The following XIRP2 variants were observed in gnomAD, a reference collection of about 807,000 sequenced individuals.
XIRP2 encodes the protein xin actin-binding repeat-containing protein 2.
XIRP2 carries 236 observed loss-of-function variants against 277.0 expected under a neutral mutation model. The observed-to-expected ratio is 0.85, with a 90% CI of 0.77 to 0.95. The LOEUF (loss-of-function observed/expected upper bound fraction) is 0.95, where lower values mean the gene tolerates loss of function less well. XIRP2 is among the 40% of genes least tolerant of loss of function. XIRP2 has a pLI of 0.00. For missense variants in XIRP2, 4,640 were observed against 4,157.5 expected (o/e 1.12, Z -3.19); for synonymous variants, 1,490 against 1,416.5 (o/e 1.05, Z -1.17).
At chr2:167,127,046 ACT>A (rs1311611753) in intron 2 of XIRP2, among the ~76,000 whole-genome samples, 6 of 151,996 alleles carry the variant, frequency 3.9e-5, no homozygotes, top group Non-Finnish European at 8.8e-5. Flanking sequence ...TCCTAAGCCA[ACT>A]CTCTTCTATA....
At chr2:167,188,739 A>G (rs531700348) in intron 3 of XIRP2, among the ~76,000 whole-genome samples, 1 of 152,250 alleles carries the variant, frequency 6.6e-6, no homozygotes, top group Non-Finnish European at 1.5e-5. Context: ...TCTAAAAGTC[A>G]GTCCGCATTT....
At chr2:166,951,197 A>G (rs1003365937) in intron 2 of XIRP2, among the ~76,000 whole-genome samples, 1 of 152,086 alleles carries the variant, frequency 6.6e-6, no homozygotes, top group Non-Finnish European at 1.5e-5. Flanking sequence ...GCTTGTATAT[A>G]CGTTAGGCCA....
At chr2:167,235,882 A>G (rs1559033640) in intron 5 of XIRP2, among the ~76,000 whole-genome samples, 1 of 151,938 alleles carries the variant, frequency 6.6e-6, no homozygotes, top group Non-Finnish European at 1.5e-5. Flanking sequence ...TAATGTATCT[A>G]AATCCAGACA....
At chr2:167,184,719 ATC>A (rs1693109855) in intron 3 of XIRP2, 2 of 674,170 alleles carry the variant, frequency 3.0e-6, no homozygotes, top group Non-Finnish European at 5.4e-6. Flanking sequence ...TACATATATT[ATC>A]TCTGCAATTG....
intron 3 of XIRP2, among the ~76,000 whole-genome samples, chr2:167,181,312 T>C (rs1253471970): frequency 6.6e-6 from 1 of 152,174 alleles, no homozygotes; most frequent in Non-Finnish European, 1.5e-5. Flanking sequence ...GGGAAACTAT[T>C]TGTTCTTCTC....
intron 2 of XIRP2, among the ~76,000 whole-genome samples, chr2:166,939,871 C>T (rs1685650460): frequency 6.6e-6 from 1 of 152,080 alleles, no homozygotes; most frequent in African/African-American, 2.4e-5. Flanking sequence ...TCTCTGCCTG[C>T]CCTTCACATT....
In XIRP2 at chr2:167,250,567, G is replaced by A. The variant is rs1004137979; in HGVS notation, c.9175G>A (p.Val3059Ile). The change falls in exon 9 of 11, where the codon GTT becomes ATT. Residue 3059 changes from valine (V) to isoleucine (I), a missense_variant. Transcript: ENST00000409195. Reference protein sequence around the residue: ...LDETSSKVSNVHVSNNKNSEQ... With the variant: ...LDETSSKVSNIHVSNNKNSEQ... Reference sequence around the variant, plus strand: ...TGAAACATCATCCAAAGTATCTAATGTTCATGTCAGCAATAATAAAAATAG... The same window carrying A: ...TGAAACATCATCCAAAGTATCTAATATTCATGTCAGCAATAATAAAAATAG... The A allele has an allele frequency of 3.7e-6, 6 of 1,613,548 alleles. No homozygotes were observed. The Admixed American group carries it at 5.0e-5, about 13-fold the overall frequency.
rs1695181723 is a variant in XIRP2 at position 167,244,466 on chromosome 2, C to G, written c.3074C>G (p.Pro1025Arg). 1 of 1,613,522 alleles carries G rather than the reference C, an allele frequency of 6.2e-7. No homozygotes were observed. The highest frequency in any genetic ancestry group is 1.3e-5 in the African/African-American group (1 of 74,828). The change falls in exon 9 of 11, where the codon CCC becomes CGC. Residue 1025 changes from proline (P) to arginine (R), a missense_variant. Coordinates refer to ENST00000409195, the MANE Select transcript of XIRP2 (RefSeq NM_152381.6). ...RSCRWLFETRPIDQFDESIHK... is the reference protein window; with the variant it reads ...RSCRWLFETRRIDQFDESIHK... ...TGTAGGTGGCTTTTTGAAACAAGGC[C>G]CATTGACCAGTTTGATGAAAGCATT...
Position 167,043,238 on chromosome 2 carries a change from T to C in XIRP2, c.409-92671T>C, listed in dbSNP as rs150971660. 3.3e-3 allele frequency among the ~76,000 whole-genome samples: 497 copies of C among 151,986 alleles called. 7 individuals carry two copies. The highest frequency in any genetic ancestry group is 0.011 in the African/African-American group (470 of 41,460). On this transcript the variant is annotated intron_variant, in intron 2 of 10. Transcript: ENST00000409195. Reference sequence around the variant, plus strand: ...TGCCTACATCAAAAAGTTAAAAAGATCTCAAATTAAAAACCTGAAGTCACA... The same window carrying C: ...TGCCTACATCAAAAAGTTAAAAAGACCTCAAATTAAAAACCTGAAGTCACA...
chr2:166,938,666 C>T (rs182728099), intron 2 of XIRP2, among the ~76,000 whole-genome samples: 49 of 152,198 alleles, frequency 3.2e-4, no homozygotes, highest in Non-Finnish European at 5.3e-4. Context: ...CTTTCTGTCT[C>T]GTTGATCTGT....
intron 2 of XIRP2, among the ~76,000 whole-genome samples, chr2:166,939,214 T>G (rs565511051): frequency 6.6e-6 from 1 of 152,330 alleles, no homozygotes; most frequent in African/African-American, 2.4e-5. Context: ...TGGCATGTTT[T>G]TGCAGTGGCT....
chr2:167,098,241 G>T (rs982934932), intron 2 of XIRP2, among the ~76,000 whole-genome samples: 7 of 152,172 alleles, frequency 4.6e-5, no homozygotes, highest in East Asian at 1.9e-4. Flanking sequence ...TGCTTTGTTT[G>T]TTCCTTTTTA....
intron 2 of XIRP2, among the ~76,000 whole-genome samples, chr2:167,035,083 G>T (rs1381230253): frequency 6.6e-6 from 1 of 152,146 alleles, no homozygotes; most frequent in East Asian, 1.9e-4. Context: ...GGCCTCCCCA[G>T]CCATGTGGAA....
chr2:167,259,353 ACACTGAGTAAAATATCTATGGC>A lies in XIRP2; in HGVS notation c.*1543_*1564del, dbSNP rs762517521. ...ATTAAAAGAAACAGGTGCTACAGTG[ACACTGAGTAAAATATCTATGGC>A]CACTGACAGTCCACACTTAGGCACT... On this transcript the variant is annotated 3_prime_UTR_variant, in exon 11 of 11. Transcript: ENST00000409195. 8.1e-6 allele frequency: 13 copies of A among 1,602,860 alleles called. No homozygotes were observed. The South Asian group carries it at 1.1e-4, about 14-fold the overall frequency.
chr2:167,222,908 T>G (rs1694474721), intron 5 of XIRP2, among the ~76,000 whole-genome samples: 1 of 152,170 alleles, frequency 6.6e-6, no homozygotes, highest in South Asian at 2.1e-4. Context: ...AGATATAATT[T>G]GCATACCATA....
chr2:166,919,075 T>C (rs1478512452), intron 2 of XIRP2, among the ~76,000 whole-genome samples: 1 of 152,128 alleles, frequency 6.6e-6, no homozygotes, highest in Non-Finnish European at 1.5e-5. Flanking sequence ...ATCCATCCAC[T>C]CTCTTCCTGG....
At chr2:167,016,587 C>G (rs905215809) in intron 2 of XIRP2, among the ~76,000 whole-genome samples, 1 of 151,966 alleles carries the variant, frequency 6.6e-6, no homozygotes, top group South Asian at 2.1e-4. Context: ...ACAGTCTGTA[C>G]TTTTACTTCC....
intron 2 of XIRP2, among the ~76,000 whole-genome samples, chr2:167,051,488 T>G (rs1314190960): frequency 9.2e-5 from 14 of 152,162 alleles, no homozygotes; most frequent in Non-Finnish European, 2.9e-5. Context: ...GATATAATGA[T>G]ATGTGTAATG....
At chr2:167,081,856 T>C (rs1368312061) in intron 2 of XIRP2, among the ~76,000 whole-genome samples, 1 of 152,188 alleles carries the variant, frequency 6.6e-6, no homozygotes, top group Non-Finnish European at 1.5e-5. Context: ...ATGATTCTTG[T>C]TTCCATCAAT....
Sources: gnomAD v4.1 joint callset for allele counts (sites outside exome capture counted in the v4.1 genomes callset) on GRCh38, gnomAD v4.1.1 for gene constraint, MANE v1.5 for transcripts, NCBI Gene and HGNC (gene_info 2026-07-23, HGNC 2026-07-21) for gene names.